Variants in AKAP19 observed in about 807,000 individuals in gnomAD.
The protein encoded by AKAP19 is small A-kinase anchoring protein.
chr2:190,093,014 A>G, the AKAP19 span, among the ~76,000 whole-genome samples: 1 of 152,216 alleles, frequency 6.6e-6, no homozygotes, highest in African/African-American at 2.4e-5. Flanking sequence ...ATTTATATTC[A>G]TGAAGATGAT....
chr2:190,076,855 T>C, the AKAP19 span, among the ~76,000 whole-genome samples: 2 of 152,202 alleles, frequency 1.3e-5, no homozygotes, highest in Non-Finnish European at 2.9e-5. Context: ...TATTTATTCA[T>C]ATATTTTTCT....
chr2:189,889,381 TG>T, the AKAP19 span, among the ~76,000 whole-genome samples: 3 of 152,224 alleles, frequency 2.0e-5, no homozygotes, highest in African/African-American at 7.2e-5. Flanking sequence ...TCAGTGATAT[TG>T]GCCTGAAATT....
chr2:189,962,561 A>G, the AKAP19 span, among the ~76,000 whole-genome samples: 1 of 152,222 alleles, frequency 6.6e-6, no homozygotes, highest in East Asian at 1.9e-4. Flanking sequence ...AAAAATAATC[A>G]ATTGAAAAAC....
At chr2:190,184,289 C>T in the AKAP19 span, among the ~76,000 whole-genome samples, 53 of 152,294 alleles carry the variant, frequency 3.5e-4, no homozygotes, top group African/African-American at 1.3e-3. Flanking sequence ...TAATTCAGAA[C>T]AGTTTCAACA....
At chr2:189,994,611 A>T in the AKAP19 span, among the ~76,000 whole-genome samples, 4 of 151,060 alleles carry the variant, frequency 2.6e-5, no homozygotes, top group African/African-American at 9.7e-5. Flanking sequence ...TATTATTATT[A>T]TTTTTGAGAT....
chr2:189,898,383 G>C, the AKAP19 span, among the ~76,000 whole-genome samples: 1 of 152,192 alleles, frequency 6.6e-6, no homozygotes, highest in East Asian at 1.9e-4. Flanking sequence ...TTGGTGATTT[G>C]AAATGAAAAT....
chr2:190,008,351 A>G, the AKAP19 span, among the ~76,000 whole-genome samples: 2 of 152,206 alleles, frequency 1.3e-5, no homozygotes, highest in African/African-American at 4.8e-5. Context: ...AAATAAAAGG[A>G]CAACTCTTAT....
the AKAP19 span, among the ~76,000 whole-genome samples, chr2:190,170,628 G>C: frequency 1.3e-5 from 2 of 152,066 alleles, no homozygotes; most frequent in Non-Finnish European, 2.9e-5. Context: ...TCATATTGAT[G>C]GGTTTTAATT....
At chr2:189,970,378 T>C in the AKAP19 span, among the ~76,000 whole-genome samples, 176 of 152,314 alleles carry the variant, frequency 1.2e-3, no homozygotes, top group African/African-American at 4.2e-3. Context: ...ATATTTTATT[T>C]GATATTTATC....
the AKAP19 span, among the ~76,000 whole-genome samples, chr2:189,961,249 T>C: frequency 2.6e-5 from 4 of 152,148 alleles, no homozygotes; most frequent in African/African-American, 4.8e-5. Flanking sequence ...ATCAGATTAA[T>C]GTTTATTCCC....
At chr2:190,198,746 T>G in the AKAP19 span, among the ~76,000 whole-genome samples, 1 of 151,930 alleles carries the variant, frequency 6.6e-6, no homozygotes, top group Non-Finnish European at 1.5e-5. Flanking sequence ...ATCTCATTCA[T>G]AGAGATTACC....
chr2:190,078,581 C>G, the AKAP19 span, among the ~76,000 whole-genome samples: 1 of 151,928 alleles, frequency 6.6e-6, no homozygotes, highest in Non-Finnish European at 1.5e-5. Flanking sequence ...GATGTTCAAC[C>G]TCACTCATAA....
the AKAP19 span, among the ~76,000 whole-genome samples, chr2:189,889,793 A>C: frequency 6.6e-6 from 1 of 151,852 alleles, no homozygotes; most frequent in African/African-American, 2.4e-5. Context: ...ATCATTTTGT[A>C]TTGTGTCTAT....
the AKAP19 span, among the ~76,000 whole-genome samples, chr2:190,045,442 C>T: frequency 2.0e-5 from 3 of 151,370 alleles, no homozygotes; most frequent in African/African-American, 7.3e-5. Flanking sequence ...AAGGCCCTGG[C>T]TGAGAGGTCC....
the AKAP19 span, among the ~76,000 whole-genome samples, chr2:190,064,197 A>G: frequency 7.2e-5 from 11 of 152,256 alleles, no homozygotes; most frequent in East Asian, 1.7e-3. Context: ...ATGGCCTTAC[A>G]TAATGCATTG....
chr2:190,081,460 T>A, the AKAP19 span, among the ~76,000 whole-genome samples: 1 of 152,136 alleles, frequency 6.6e-6, no homozygotes, highest in Non-Finnish European at 1.5e-5. Context: ...TCTTTTCCCC[T>A]GAAAATTATT....
At chr2:190,148,619 G>A in the AKAP19 span, among the ~76,000 whole-genome samples, 2,172 of 152,308 alleles carry the variant, frequency 0.014, 28 homozygotes, top group Middle Eastern at 0.031. Flanking sequence ...GAATTCTGCT[G>A]TGAATCCCTC....
At chr2:190,089,820 C>T in the AKAP19 span, among the ~76,000 whole-genome samples, 2 of 152,100 alleles carry the variant, frequency 1.3e-5, no homozygotes, top group African/African-American at 4.8e-5. Flanking sequence ...AGTCTTAGGA[C>T]TCTTGAGGAC....
the AKAP19 span, among the ~76,000 whole-genome samples, chr2:190,183,904 G>A: frequency 1.3e-5 from 2 of 151,818 alleles, no homozygotes; most frequent in Admixed American, 1.3e-4. Context: ...AAATGTTGCT[G>A]AGCAGTTTTG....
Sources: gnomAD v4.1 joint callset for allele counts (sites outside exome capture counted in the v4.1 genomes callset) on GRCh38, gnomAD v4.1.1 for gene constraint, MANE v1.5 for transcripts, NCBI Gene and HGNC (gene_info 2026-07-23, HGNC 2026-07-21) for gene names.